LIAS: variants seen among roughly 807,000 people sequenced by gnomAD.
LIAS encodes the protein lipoyl synthase, mitochondrial.
A neutral mutation model predicts 49.4 loss-of-function variants in LIAS; 36 were observed. The observed-to-expected ratio is 0.73, with a 90% CI of 0.56 to 0.96. LIAS has a LOEUF of 0.96. Among genes scored for constraint, LIAS ranks in the 40% least tolerant of loss-of-function variants. The pLI is 0.00. For synonymous variants in LIAS, 145 were observed against 155.8 expected (o/e 0.93, Z 0.52); for missense variants, 399 against 456.3 (o/e 0.87, Z 1.14).
chr4:39,469,927 A>C, intron 7 of LIAS, 92 bp from the exon 8 acceptor site: 1 of 1,143,324 alleles, frequency 8.7e-7, no homozygotes, highest in East Asian at 2.4e-5. Context: ...TAATGTGCAG[A>C]ATGTACTTCT....
chr4:39,459,375 G>T, intron 1 of LIAS: 1 of 606,056 alleles, frequency 1.7e-6, no homozygotes, highest in Non-Finnish European at 2.9e-6. Flanking sequence ...GTCTCTCTGG[G>T]CCAGCACCGA....
intron 7 of LIAS, 21 bp from the exon 8 acceptor site, chr4:39,469,998 A>T (rs1396572826): frequency 6.3e-7 from 1 of 1,595,812 alleles, no homozygotes; most frequent in African/African-American, 1.3e-5. Flanking sequence ...TCTTGCTGAC[A>T]ACAGTCCTGC....
chr4:39,471,687 C>T (rs1477709244), intron 9 of LIAS, among the ~76,000 whole-genome samples: 2 of 151,664 alleles, frequency 1.3e-5, no homozygotes, highest in Non-Finnish European at 2.9e-5. Flanking sequence ...CTACCACACC[C>T]GACTAATTTT....
intron 7 of LIAS, chr4:39,468,525 T>A (rs904841333): frequency 6.3e-5 from 9 of 143,648 alleles, no homozygotes; most frequent in Non-Finnish European, 9.1e-5. Flanking sequence ...ATATATATTT[T>A]TTTATATTAT....
intron 6 of LIAS, 120 bp from the exon 7 acceptor site, chr4:39,467,398 G>T: frequency 2.2e-6 from 2 of 919,126 alleles, no homozygotes; most frequent in Non-Finnish European, 3.1e-6. Context: ...TACTTTTCTT[G>T]ACAAAGTTCT....
In LIAS at chr4:39,478,891, T is replaced by C. The variant is rs574474235; in HGVS notation, c.*1776T>C. ...TAGCCAATTCTGTTTTGAATTCTTATAACGAGCCAGTATTATAAAAGTAAT... is the reference window on the plus strand; with the variant it reads ...TAGCCAATTCTGTTTTGAATTCTTACAACGAGCCAGTATTATAAAAGTAAT... On this transcript the variant is annotated 3_prime_UTR_variant, in exon 11 of 11. Transcript: ENST00000640888. The C allele has an allele frequency of 2.6e-5, 4 of 152,298 alleles. No individual in the cohort carries two copies. The highest frequency in any genetic ancestry group is 9.6e-5 in the African/African-American group (4 of 41,576). 9.4% of individuals were successfully genotyped at this position (152,298 alleles called of 1,614,324 possible).
chr4:39,478,765 TAACTC>T lies in LIAS; in HGVS notation c.*1652_*1656del, dbSNP rs1436267406. Reference sequence around the variant, plus strand: ...AAGGAATTTCCTTCCAAAATACTAATAACTCAGATTCATCTTTTGACTGAATCCTG... The same window carrying T: ...AAGGAATTTCCTTCCAAAATACTAATAGATTCATCTTTTGACTGAATCCTG... On this transcript the variant is annotated 3_prime_UTR_variant, in exon 11 of 11. Coordinates refer to ENST00000640888, the MANE Select transcript of LIAS (RefSeq NM_006859.4). 3 of 152,264 alleles carry T rather than the reference TAACTC, an allele frequency of 2.0e-5. No homozygotes were observed. The highest frequency in any genetic ancestry group is 4.4e-5 in the Non-Finnish European group (3 of 68,048). 9.4% of individuals were successfully genotyped at this position (152,264 alleles called of 1,614,324 possible). A position where few individuals can be genotyped will look rare whatever the true frequency, so the allele number is the denominator to read the frequency against.
chr4:39,460,020 C>T (rs1744380781), intron 1 of LIAS, among the ~76,000 whole-genome samples: 1 of 152,036 alleles, frequency 6.6e-6, no homozygotes, highest in Non-Finnish European at 1.5e-5. Flanking sequence ...TTCCAGTTGT[C>T]TGAAACTAAT....
intron 2 of LIAS, among the ~76,000 whole-genome samples, chr4:39,461,516 G>T (rs1744496319): frequency 6.6e-6 from 1 of 152,214 alleles, no homozygotes; most frequent in Non-Finnish European, 1.5e-5. Context: ...AGAGCAGACA[G>T]TGCACAGTTG....
chr4:39,475,416 AG>A, intron 10 of LIAS: 1 of 125,796 alleles, frequency 7.9e-6, no homozygotes, highest in South Asian at 2.4e-4. Flanking sequence ...TAAATAAACT[AG>A]GTATTTTTTT....
chr4:39,463,089 G>GT (rs1744601224), intron 3 of LIAS, among the ~76,000 whole-genome samples: 2 of 150,100 alleles, frequency 1.3e-5, no homozygotes. Flanking sequence ...GAGTTGGGCA[G>GT]TTTAACAGCC....
rs1744442468 is a variant in LIAS at position 39,460,789 on chromosome 4, G to A, written c.46-1G>A. On this transcript the variant is annotated splice_acceptor_variant, in intron 1 of 10. Transcript: ENST00000640888. LOFTEE classifies it high-confidence loss of function. ...AACGTCATAATTAACTCTTTCTTTA[G>A]GTATTTGGGAGATATTTTTGCAGCC... 14 of 1,561,760 alleles carry A rather than the reference G, an allele frequency of 9.0e-6. No individual in the cohort carries two copies. The highest frequency in any genetic ancestry group is 1.2e-5 in the Non-Finnish European group (14 of 1,158,560).
rs761295906 is a variant in LIAS, at chr4:39,460,866, A to G, written c.122A>G (p.Asn41Ser). ...LPDKKKELLQNGPDLQDFVSG... is the reference protein window; with the variant it reads ...LPDKKKELLQSGPDLQDFVSG... ...GATAAAAAAAAGGAACTCCTACAGA[A>G]TGGACCAGACCTTCAAGATTTTGTA... The change falls in exon 2 of 11, where the codon AAT becomes AGT. Residue 41 changes from asparagine to serine, a missense_variant. This residue lies in a region of LIAS where 159 missense variants were observed against 147.6 expected (regional missense o/e 1.08). Coordinates refer to ENST00000640888, the MANE Select transcript of LIAS (RefSeq NM_006859.4). 133 of 1,613,170 alleles carry G rather than the reference A, an allele frequency of 8.2e-5. No homozygotes were observed. Among genetic ancestry groups the G allele is most frequent in the Non-Finnish European group, 1.1e-4 (128 of 1,179,688 alleles).
chr4:39,474,568 A>T (rs945871919), intron 10 of LIAS, among the ~76,000 whole-genome samples: 1 of 151,808 alleles, frequency 6.6e-6, no homozygotes, highest in African/African-American at 2.4e-5. Context: ...CAACATTGTG[A>T]GATCTCATCT....
At chr4:39,461,010 C>T in intron 2 of LIAS, 48 bp downstream of exon 2, 4 of 1,461,406 alleles carry the variant, frequency 2.7e-6, no homozygotes, top group Non-Finnish European at 3.7e-6. Context: ...CTTTATTGTG[C>T]ATTATTTTCA....
Position 39,474,234 on chromosome 4 carries a change from G to T in LIAS, c.1066+1023G>T, listed in dbSNP as rs570602785. 5.0e-5 allele frequency among the ~76,000 whole-genome samples: 7 copies of T among 139,986 alleles called. No homozygotes were observed. The East Asian group carries it at 1.2e-3, about 25-fold the overall frequency. 91.8% of individuals were successfully genotyped at this position (139,986 alleles called of 152,430 possible). A position where few individuals can be genotyped will look rare whatever the true frequency, so the allele number is the denominator to read the frequency against. The stretch of plus-strand genomic sequence containing the variant: ...GCCGAGATTGTGCCACTGCACTCCA[G>T]CCTGGGCAACAGAGCAAGACTCTGT... On this transcript the variant is annotated intron_variant, in intron 10 of 10. Transcript: ENST00000640888.
At chr4:39,463,631 C>G (rs1340181095) in intron 4 of LIAS, 26 bp downstream of exon 4, 1 of 1,601,058 alleles carries the variant, frequency 6.2e-7, no homozygotes, top group African/African-American at 1.3e-5. Context: ...ACCTCTATGG[C>G]TTTAGTCTAG....
intron 2 of LIAS, 80 bp from the exon 3 acceptor site, chr4:39,462,116 A>G (rs368755029): frequency 1.2e-4 from 67 of 545,978 alleles, no homozygotes; most frequent in African/African-American, 1.1e-3. Flanking sequence ...AGGAATTGTA[A>G]TAGAAGAAAT....
intron 10 of LIAS, among the ~76,000 whole-genome samples, chr4:39,474,156 G>GGGAGGCTGAGGC: frequency 6.6e-6 from 1 of 151,852 alleles, no homozygotes; most frequent in Admixed American, 6.6e-5. Flanking sequence ...CCAGCTACTC[G>GGGAGGCTGAGGC]GGAGGCTGAG....
Sources: allele counts gnomAD v4.1 joint callset (sites outside exome capture counted in the v4.1 genomes callset), GRCh38; gene constraint gnomAD v4.1.1; regional missense constraint gnomAD v4.1.1; transcripts MANE v1.5; gene names NCBI Gene and HGNC (gene_info 2026-07-23, HGNC 2026-07-21).